The following GAS7 variants were observed in gnomAD, a reference collection of about 807,000 sequenced individuals.
GAS7 encodes growth arrest specific 7.
GAS7 carries 28 observed loss-of-function variants against 71.1 expected under a neutral mutation model. The observed-to-expected ratio is 0.39, with a 90% CI of 0.29 to 0.54. The LOEUF (loss-of-function observed/expected upper bound fraction) is 0.54, where lower values mean the gene tolerates loss of function less well. Ranked by LOEUF, GAS7 falls within the 20% of genes least tolerant of loss-of-function variation. The pLI is 0.62. For missense variants in GAS7, 436 were observed against 627.8 expected, an observed-to-expected ratio of 0.69 and a Z score of 3.27; for synonymous variants, 258 against 245.8, an observed-to-expected ratio of 1.05 and a Z score of -0.46.
chr17:10,140,238 G>A (rs560537294), intron 1 of GAS7, among the ~76,000 whole-genome samples: 130 of 152,326 alleles, frequency 8.5e-4, no homozygotes, highest in African/African-American at 2.9e-3. Context: ...AAGGCGGGAG[G>A]ACTGCGTGTG....
chr17:10,032,111 G>GAAAAAAAAAAAA (rs749716743), intron 1 of GAS7, among the ~76,000 whole-genome samples: 1 of 74,758 alleles, frequency 1.3e-5, no homozygotes. Context: ...GGGAACCTCA[G>GAAAAAAAAAAAA]AAAAAAAAAA....
Position 10,150,415 on chromosome 17 carries a change from T to TACAC in GAS7, c.183+47789_183+47792dup, listed in dbSNP as rs3051267. On this transcript the variant is annotated intron_variant, in intron 1 of 13. Coordinates refer to ENST00000432992, the MANE Select transcript of GAS7 (RefSeq NM_201433.2). ...TCTTTCTTTCTCTCAACTGGTTAAG[T>TACAC]ACACACACACACACACACACACACA... Among the ~76,000 whole-genome samples the TACAC allele has an allele frequency of 3.6e-3, 521 of 145,888 alleles. 4 individuals carry two copies. Among genetic ancestry groups the TACAC allele is most frequent in the African/African-American group, 9.3e-3 (364 of 39,188 alleles).
intron 1 of GAS7, among the ~76,000 whole-genome samples, chr17:10,121,321 C>T (rs1388985665): frequency 6.6e-6 from 1 of 152,138 alleles, no homozygotes; most frequent in Admixed American, 6.6e-5. Flanking sequence ...GCAGAGATTG[C>T]AGTGAGCCAA....
intron 1 of GAS7, among the ~76,000 whole-genome samples, chr17:10,049,051 C>T (rs1269109715): frequency 6.6e-6 from 1 of 152,160 alleles, no homozygotes; most frequent in Non-Finnish European, 1.5e-5. Flanking sequence ...GTGAGGAGCA[C>T]GCATAACTGA....
At chr17:10,001,022 A>G (rs1343103949) in intron 2 of GAS7, among the ~76,000 whole-genome samples, 2 of 151,840 alleles carry the variant, frequency 1.3e-5, no homozygotes, top group Admixed American at 1.3e-4. Flanking sequence ...AAAACAAACA[A>G]ACAAACAAAG....
Position 9,969,780 on chromosome 17 carries a change from C to CAGCATCTGAGCCGT in GAS7, c.386-19_386-18insACGGCTCAGATGCT. 1.3e-6 allele frequency: 2 copies of CAGCATCTGAGCCGT among 1,545,610 alleles called. No individual in the cohort carries two copies. Among genetic ancestry groups the CAGCATCTGAGCCGT allele is most frequent in the Non-Finnish European group, 1.8e-6 (2 of 1,117,560 alleles). The stretch of plus-strand genomic sequence containing the variant: ...TCCATTCACTGCAGGGACAGAGACA[C>CAGCATCTGAGCCGT]GGCTCAGATGCTGTGTGGGCCACAG... On this transcript the variant is annotated intron_variant, in intron 3 of 13. Transcript: ENST00000432992. The surrounding 1 kb of genome is among the most constrained non-coding windows in gnomAD (Gnocchi z 5.5).
intron 3 of GAS7, among the ~76,000 whole-genome samples, chr17:9,975,539 CT>C (rs2070164670): frequency 6.6e-6 from 1 of 151,190 alleles, no homozygotes; most frequent in African/African-American, 2.4e-5. Flanking sequence ...TCACCCCCCC[CT>C]TTTTCCTTCC....
At chr17:10,059,893 T>C (rs2073200242) in intron 1 of GAS7, 2 of 760,604 alleles carry the variant, frequency 2.6e-6, no homozygotes, top group Non-Finnish European at 1.6e-6. Flanking sequence ...ATATTCAAAA[T>C]GAAAGAGAAG....
chr17:10,156,209 C>T (rs991787103), intron 1 of GAS7, among the ~76,000 whole-genome samples: 2 of 152,152 alleles, frequency 1.3e-5, no homozygotes, highest in Non-Finnish European at 2.9e-5. Context: ...CAAACCTCTA[C>T]CCTGGGGAGC....
At position 10,085,706 on chromosome 17, in the gene GAS7, A is replaced by AAAAG. The variant is rs796340516; in HGVS notation, c.184-65813_184-65810dup. On this transcript the variant is annotated intron_variant, in intron 1 of 13. Coordinates refer to ENST00000432992, the MANE Select transcript of GAS7 (RefSeq NM_201433.2). ...GATTCCGTCTCAAAAAAAAAAAAAA[A>AAAAG]AAAGAAAGAAAGAAAGAAAGAAAGA... Among the ~76,000 whole-genome samples, 226 of 134,916 alleles carry AAAAG rather than the reference A, an allele frequency of 1.7e-3. 2 individuals are homozygous for AAAAG. The highest frequency in any genetic ancestry group is 5.4e-3 in the African/African-American group (180 of 33,566). The allele number at this position is 134,916 out of a possible 152,430, so 88.5% of individuals were successfully genotyped here.
chr17:9,930,486 G>A (rs3786115), intron 9 of GAS7, among the ~76,000 whole-genome samples: 5,607 of 152,216 alleles, frequency 0.037, 276 homozygotes, highest in African/African-American at 0.09. Flanking sequence ...AGCCTCTACC[G>A]CATGAGATTT....
chr17:10,135,111 G>A (rs1198755752), intron 1 of GAS7, among the ~76,000 whole-genome samples: 1 of 152,186 alleles, frequency 6.6e-6, no homozygotes, highest in Non-Finnish European at 1.5e-5. Flanking sequence ...GATTACAGGT[G>A]TGAGCCAACG....
At chr17:10,133,116 T>TATATATATATATATATATATATA in intron 1 of GAS7, among the ~76,000 whole-genome samples, 1 of 144,368 alleles carries the variant, frequency 6.9e-6, no homozygotes, top group Non-Finnish European at 1.5e-5. Flanking sequence ...GATTATATAT[T>TATATATATATATATATATATATA]TTTATATTTT....
Position 9,919,269 on chromosome 17 carries a change from C to G in GAS7, c.1218+357G>C, listed in dbSNP as rs867973820. Among the ~76,000 whole-genome samples the G allele has an allele frequency of 2.0e-5, 3 of 152,046 alleles. No homozygotes were observed. The highest frequency in any genetic ancestry group is 1.9e-4 in the East Asian group (1 of 5,174). On this transcript the variant is annotated intron_variant, in intron 12 of 13. Transcript: ENST00000432992. The surrounding 1 kb of genome is among the most constrained non-coding windows in gnomAD (Gnocchi z 5.0). ...CAAGGACCTGCAACTCGTGTGTGTG[C>G]ATGTGTGGGGCGGTCCTCTCTTCCT...
chr17:10,020,975 G>A (rs2072244393), intron 1 of GAS7, among the ~76,000 whole-genome samples: 1 of 151,986 alleles, frequency 6.6e-6, no homozygotes, highest in African/African-American at 2.4e-5. Context: ...CCTGGGTGCT[G>A]GGATTACAGG....
intron 8 of GAS7, among the ~76,000 whole-genome samples, chr17:9,935,041 C>A (rs1392890920): frequency 1.3e-5 from 2 of 152,172 alleles, no homozygotes; most frequent in Non-Finnish European, 2.9e-5. Flanking sequence ...AGCCACCATG[C>A]CCAGCCGGAG....
chr17:10,004,938 A>G (rs2071410423), intron 2 of GAS7, among the ~76,000 whole-genome samples: 1 of 152,082 alleles, frequency 6.6e-6, no homozygotes, highest in South Asian at 2.1e-4. Context: ...TGAACCCGGG[A>G]GGCAGAGGTT....
At chr17:10,155,817 T>C (rs756159883) in intron 1 of GAS7, among the ~76,000 whole-genome samples, 57 of 152,212 alleles carry the variant, frequency 3.7e-4, no homozygotes, top group Non-Finnish European at 7.3e-4. Context: ...GAGACATGTA[T>C]TATAATGGTC....
intron 3 of GAS7, among the ~76,000 whole-genome samples, chr17:9,970,950 C>T (rs1050712907): frequency 2.0e-5 from 3 of 152,188 alleles, no homozygotes; most frequent in East Asian, 1.9e-4. Flanking sequence ...TAAGCTTAGA[C>T]GAGCAGCTTC....
Sources: allele counts gnomAD v4.1 joint callset (sites outside exome capture counted in the v4.1 genomes callset), GRCh38; gene constraint gnomAD v4.1.1; non-coding constraint Gnocchi (gnomAD v3.1); transcripts MANE v1.5; gene names NCBI Gene and HGNC (gene_info 2026-07-23, HGNC 2026-07-21).